Variants in UBE2O observed in about 807,000 individuals in gnomAD.
UBE2O encodes (E3-independent) E2 ubiquitin-conjugating enzyme.
UBE2O carries 15 observed loss-of-function variants against 125.8 expected under a neutral mutation model. The observed-to-expected ratio is 0.12, with a 90% confidence interval of 0.08 to 0.18. UBE2O has a LOEUF of 0.18. Ranked by LOEUF, UBE2O falls within the 10% of genes least tolerant of loss-of-function variation. UBE2O has a pLI of 1.00. For missense variants in UBE2O, 1,280 were observed against 1,723.6 expected (o/e 0.74, Z 4.56); for synonymous variants, 708 against 703.2 (o/e 1.01, Z -0.11).
intron 1 of UBE2O, among the ~76,000 whole-genome samples, chr17:76,447,212 T>G (rs1484291856): frequency 2.0e-5 from 3 of 152,258 alleles, no homozygotes; most frequent in African/African-American, 7.2e-5. Flanking sequence ...AGTAATGATC[T>G]CTGAATCCTG....
Position 76,400,052 on chromosome 17 carries a change from C to T in UBE2O, c.1155+95G>A. On this transcript the variant is annotated intron_variant, in intron 8 of 17. Transcript: ENST00000319380. The surrounding 1 kb of genome is among the most constrained non-coding windows in gnomAD (Gnocchi z 4.3). Reference sequence around the variant, plus strand: ...CGGCAAGGGTCATCAGGGCTGCCCCCCAAGGCCTAAAGCACAGACTGTCCT... The same window carrying T: ...CGGCAAGGGTCATCAGGGCTGCCCCTCAAGGCCTAAAGCACAGACTGTCCT... 2 of 1,542,644 alleles carry T rather than the reference C, an allele frequency of 1.3e-6. No individual in the cohort carries two copies. The highest frequency in any genetic ancestry group is 2.3e-5 in the East Asian group (1 of 44,376).
chr17:76,435,409 CACACACAT>C (rs544096896), intron 1 of UBE2O, among the ~76,000 whole-genome samples: 32,533 of 91,952 alleles, frequency 0.35, 4,120 homozygotes, highest in Non-Finnish European at 0.43. Flanking sequence ...GATACACACA[CACACACAT>C]ACACACACAC....
chr17:76,425,404 G>A (rs1044690125), intron 1 of UBE2O, among the ~76,000 whole-genome samples: 1 of 151,612 alleles, frequency 6.6e-6, no homozygotes, highest in Non-Finnish European at 1.5e-5. Flanking sequence ...ACAAAAACAG[G>A]CAGTCCCCCA....
rs1360492422 is a variant in UBE2O at position 76,410,246 on chromosome 17, T to C, written c.418-4674A>G. Among the ~76,000 whole-genome samples, 1 of 152,060 alleles carries C rather than the reference T, an allele frequency of 6.6e-6. No homozygotes were observed. Among genetic ancestry groups the C allele is most frequent in the Non-Finnish European group, 1.5e-5 (1 of 68,008 alleles). ...GATATCCAAAACATTACCTGATTTTTGGGCAGGGAACGTGCTGAGAGAGGG... is the reference window on the plus strand; with the variant it reads ...GATATCCAAAACATTACCTGATTTTCGGGCAGGGAACGTGCTGAGAGAGGG... On this transcript the variant is annotated intron_variant, in intron 1 of 17. Coordinates refer to ENST00000319380, the MANE Select transcript of UBE2O (RefSeq NM_022066.4). The surrounding 1 kb of genome is among the most constrained non-coding windows in gnomAD (Gnocchi z 4.0).
Position 76,399,715 on chromosome 17 carries a change from G to T in UBE2O, c.1362C>A (p.His454Gln), listed in dbSNP as rs776182377. 6.2e-7 allele frequency: 1 copy of T among 1,614,128 alleles called. No individual in the cohort carries two copies. The highest frequency in any genetic ancestry group is 1.7e-5 in the Admixed American group (1 of 60,022). ...ATGGGGGCAGCTGCTCTCCTGCCTC[G>T]TGGGGCTCCTCTGCACCCTCGTCCT... is the stretch of plus-strand genomic sequence containing the variant. ...EMQDEGAEEP[H>Q]EAGEQLPPFL... Residue 454 changes from histidine (H) to glutamine (Q), a missense_variant, in exon 9 of 18, where the codon CAC (histidine) becomes CAA (glutamine). By Grantham distance (24) the His-to-Gln change is conservative. Coordinates refer to ENST00000319380, the MANE Select transcript of UBE2O (RefSeq NM_022066.4). The surrounding 1 kb of genome is among the most constrained non-coding windows in gnomAD (Gnocchi z 6.9).
In UBE2O at chr17:76,393,593, C is replaced by T. The variant is rs571335125; in HGVS notation, c.2947-1480G>A. ...TCTAAACACCTGCTCCAACCCTTATCCCCAACAAGGCAAGTAGTACAAGCA... is the reference window on the plus strand; with the variant it reads ...TCTAAACACCTGCTCCAACCCTTATTCCCAACAAGGCAAGTAGTACAAGCA... On this transcript the variant is annotated intron_variant, in intron 15 of 17. Coordinates refer to ENST00000319380, the MANE Select transcript of UBE2O (RefSeq NM_022066.4). Among the ~76,000 whole-genome samples, 7 of 152,246 alleles carry T rather than the reference C, an allele frequency of 4.6e-5. No homozygotes were observed. The South Asian group carries it at 1.5e-3, about 32-fold the overall frequency.
Position 76,395,749 on chromosome 17 carries a change from C to T in UBE2O, c.2922G>A (p.Met974Ile), listed in dbSNP as rs2072195988. 3 of 1,614,044 alleles carry T rather than the reference C, an allele frequency of 1.9e-6. No individual in the cohort carries two copies. Among genetic ancestry groups the T allele is most frequent in the African/African-American group, 1.3e-5 (1 of 74,952 alleles). ...CCATTCTATCTTCAAAAGTCTTGAC[C>T]ATGATGCCCTCAGGCAGTGAGGTAG... The part of the protein sequence containing the change: ...LLATSLPEGI[M>I]VKTFEDRMDL... Residue 974 changes from methionine (M) to isoleucine (I), a missense_variant, in exon 15 of 18, where the codon ATG becomes ATA. Met to Ile is a conservative substitution (Grantham distance 10). Transcript: ENST00000319380. This position sits in a 1 kb window ranked among gnomAD's most constrained non-coding sequence, Gnocchi z 5.0.
chr17:76,430,423 C>A, intron 1 of UBE2O: 1 of 199,574 alleles, frequency 5.0e-6, no homozygotes, highest in South Asian at 7.7e-5. Context: ...CACCGCAGTT[C>A]ATTCTTCTAA....
rs1455245151 is a variant in UBE2O at position 76,396,489 on chromosome 17, C to T, written c.2448G>A (p.Glu816=). 6 of 1,613,938 alleles carry T rather than the reference C, an allele frequency of 3.7e-6. No individual in the cohort carries two copies. The South Asian group carries it at 4.4e-5, about 12-fold the overall frequency. Residue 816 remains glutamate, a synonymous_variant, in exon 14 of 18, where the codon GAG becomes GAA. Coordinates refer to ENST00000319380, the MANE Select transcript of UBE2O (RefSeq NM_022066.4). The surrounding 1 kb of genome is among the most constrained non-coding windows in gnomAD (Gnocchi z 6.7). ...GPPKSFRELK[E]AIKILESLKN... ...TGAGGCTCTCCAGGATCTTGATGGC[C>T]TCTTTCAACTCCCGGAAGCTCTTGG...
intron 1 of UBE2O, among the ~76,000 whole-genome samples, chr17:76,442,096 AG>A (rs35352400): frequency 4.3e-5 from 2 of 46,866 alleles, no homozygotes; most frequent in South Asian, 9.7e-4. Context: ...GGGTTCTTAC[AG>A]GGGAAATGCA....
intron 1 of UBE2O, among the ~76,000 whole-genome samples, chr17:76,413,992 T>G (rs2072557887): frequency 6.6e-6 from 1 of 152,206 alleles, no homozygotes; most frequent in African/African-American, 2.4e-5. Flanking sequence ...GGTCAGTAAT[T>G]CCGGCTGGTG....
chr17:76,408,036 T>C (rs2072453451), intron 1 of UBE2O, among the ~76,000 whole-genome samples: 1 of 152,206 alleles, frequency 6.6e-6, no homozygotes, highest in Admixed American at 6.5e-5. Context: ...TTAGGATGAC[T>C]TGGGAGGCTC....
At chr17:76,429,271 G>A (rs1465406002) in intron 1 of UBE2O, among the ~76,000 whole-genome samples, 9 of 151,914 alleles carry the variant, frequency 5.9e-5, no homozygotes, top group African/African-American at 2.2e-4. Flanking sequence ...GCTGGGGATG[G>A]TGGCTCATGC....
intron 1 of UBE2O, among the ~76,000 whole-genome samples, chr17:76,413,065 G>C (rs1437721649): frequency 3.3e-5 from 5 of 152,152 alleles, no homozygotes; most frequent in Admixed American, 6.5e-5. Context: ...TCAGTTTTGC[G>C]GGGGTGGAAG....
chr17:76,444,910 T>C (rs2068161360), intron 1 of UBE2O, among the ~76,000 whole-genome samples: 1 of 152,222 alleles, frequency 6.6e-6, no homozygotes, highest in Non-Finnish European at 1.5e-5. Flanking sequence ...TGGAGACGTA[T>C]TTGTGTGTCT....
chr17:76,411,030 G>C (rs1454927172), intron 1 of UBE2O, among the ~76,000 whole-genome samples: 1 of 147,400 alleles, frequency 6.8e-6, no homozygotes, highest in Non-Finnish European at 1.5e-5. Context: ...CTTTTTTTTG[G>C]TGTGGTGGGG....
Position 76,398,128 on chromosome 17 carries a change from C to T in UBE2O, c.2025+127G>A. 7.5e-7 allele frequency: 1 copy of T among 1,338,122 alleles called. No individual in the cohort carries two copies. The highest frequency in any genetic ancestry group is 1.0e-6 in the Non-Finnish European group (1 of 957,300). The allele number at this position is 1,338,122 out of a possible 1,614,324, so 82.9% of individuals were successfully genotyped here. ...GCTTGACTCTGGGGCAGCTGCCCTT[C>T]TGAGGACACTGAGCCCAGAGGACTT... On this transcript the variant is annotated intron_variant, in intron 12 of 17. Coordinates refer to ENST00000319380, the MANE Select transcript of UBE2O (RefSeq NM_022066.4). This position sits in a 1 kb window ranked among gnomAD's most constrained non-coding sequence, Gnocchi z 5.4.
At chr17:76,411,028 T>C (rs1383594442) in intron 1 of UBE2O, among the ~76,000 whole-genome samples, 1 of 69,400 alleles carries the variant, frequency 1.4e-5, no homozygotes, top group Non-Finnish European at 2.9e-5. Context: ...TACTTTTTTT[T>C]GGTGTGGTGG....
chr17:76,440,514 G>C (rs943828808), intron 1 of UBE2O, among the ~76,000 whole-genome samples: 4 of 152,214 alleles, frequency 2.6e-5, no homozygotes, highest in African/African-American at 9.6e-5. Context: ...TTTTTGAAGA[G>C]ATGGGGTTTC....
Sources: gnomAD v4.1 joint callset for allele counts (sites outside exome capture counted in the v4.1 genomes callset) on GRCh38, gnomAD v4.1.1 for gene constraint, Gnocchi (gnomAD v3.1) non-coding constraint, MANE v1.5 for transcripts, NCBI Gene and HGNC (gene_info 2026-07-23, HGNC 2026-07-21) for gene names.